Variants in ANK2 observed in about 807,000 individuals in gnomAD.
ANK2 encodes the protein ankyrin 2.
In ANK2, 83 loss-of-function variants were observed where a neutral mutation model predicts 360.5. The ratio of observed to expected loss-of-function variants is 0.23; its 90% CI spans 0.19 to 0.28. The LOEUF (loss-of-function observed/expected upper bound fraction) is 0.28. Among genes scored for constraint, ANK2 ranks in the 10% least tolerant of loss-of-function variants. The pLI, the probability that ANK2 is intolerant of heterozygous loss-of-function variation, is 1.00. For synonymous variants in ANK2, 1,740 were observed against 1,759.5 expected (o/e 0.99, Z 0.28); for missense variants, 4,201 against 4,795.7 (o/e 0.88, Z 3.66).
chr4:113,164,470 C>T, intron 1 of ANK2, among the ~76,000 whole-genome samples: 1 of 152,192 alleles, frequency 6.6e-6, no homozygotes, highest in East Asian at 1.9e-4. Flanking sequence ...AACAAGCAAT[C>T]TACTTTTTAG....
chr4:113,266,670 G>T (rs2056213307), intron 14 of ANK2, among the ~76,000 whole-genome samples: 1 of 152,190 alleles, frequency 6.6e-6, no homozygotes, highest in South Asian at 2.1e-4. Flanking sequence ...CTGAGGTTGG[G>T]AGTTTGAGAC....
At chr4:113,050,057 G>T (rs973878163) in intron 1 of ANK2, among the ~76,000 whole-genome samples, 1 of 152,180 alleles carries the variant, frequency 6.6e-6, no homozygotes, top group African/African-American at 2.4e-5. Flanking sequence ...GATAAGGTGT[G>T]TTCCACATGT....
At chr4:113,177,817 T>G (rs746285435) in intron 2 of ANK2, among the ~76,000 whole-genome samples, 1 of 152,214 alleles carries the variant, frequency 6.6e-6, no homozygotes. Context: ...CAGGTTCAAA[T>G]TCAAGTTTCA....
chr4:112,776,146 T>C, the ANK2 span, among the ~76,000 whole-genome samples: 18 of 152,192 alleles, frequency 1.2e-4, no homozygotes, highest in African/African-American at 4.1e-4. Flanking sequence ...TGAGGGATAC[T>C]GTAAGGGAAG....
At chr4:113,117,827 T>C (rs2094976774) in intron 1 of ANK2, among the ~76,000 whole-genome samples, 1 of 152,126 alleles carries the variant, frequency 6.6e-6, no homozygotes, top group Non-Finnish European at 1.5e-5. Flanking sequence ...CAGTGTGTCT[T>C]CTCACTGACT....
chr4:113,202,277 C>T (rs2098840998), intron 4 of ANK2, among the ~76,000 whole-genome samples: 1 of 152,058 alleles, frequency 6.6e-6, no homozygotes, highest in Non-Finnish European at 1.5e-5. Flanking sequence ...TTGAGTTCCT[C>T]CACAGATGTT....
At chr4:113,147,267 G>A (rs1265616875) in intron 1 of ANK2, among the ~76,000 whole-genome samples, 1 of 152,140 alleles carries the variant, frequency 6.6e-6, no homozygotes, top group East Asian at 1.9e-4. Context: ...GAGCAGTAAC[G>A]TTTCTCCTGG....
chr4:113,074,720 G>A (rs2079142118), intron 1 of ANK2, among the ~76,000 whole-genome samples: 1 of 152,276 alleles, frequency 6.6e-6, no homozygotes, highest in Middle Eastern at 3.4e-3. Flanking sequence ...ACTAGGATGA[G>A]AAAAGAATAA....
chr4:113,290,999 C>T (rs2067258780), intron 20 of ANK2, among the ~76,000 whole-genome samples: 1 of 152,170 alleles, frequency 6.6e-6, no homozygotes, highest in Non-Finnish European at 1.5e-5. Flanking sequence ...ATTTTTGTGG[C>T]CACAATGTCC....
At chr4:112,997,172 G>A (rs969524584) in intron 2 of ANK2, among the ~76,000 whole-genome samples, 1 of 152,036 alleles carries the variant, frequency 6.6e-6, no homozygotes, top group Non-Finnish European at 1.5e-5. Flanking sequence ...ACCTGATATT[G>A]TGAAATATGT....
At chr4:113,245,675 A>T (rs12498202) in intron 9 of ANK2, among the ~76,000 whole-genome samples, 17,994 of 152,236 alleles carry the variant, frequency 0.12, 1,389 homozygotes, top group Admixed American at 0.23. Flanking sequence ...ACACATAGGG[A>T]TTACGGGAAA....
the ANK2 span, among the ~76,000 whole-genome samples, chr4:112,759,573 T>C: frequency 1.0e-3 from 159 of 152,320 alleles, 1 homozygote; most frequent in Admixed American, 2.4e-3. Flanking sequence ...TCCTTGGTGG[T>C]AAATTCCATC....
chr4:112,755,430 G>C, the ANK2 span, among the ~76,000 whole-genome samples: 1 of 152,188 alleles, frequency 6.6e-6, no homozygotes, highest in Non-Finnish European at 1.5e-5. Flanking sequence ...CAGGCAGGCT[G>C]AGTCCGAAAA....
intron 4 of ANK2, among the ~76,000 whole-genome samples, chr4:113,201,299 C>T (rs2098826989): frequency 6.6e-6 from 1 of 152,046 alleles, no homozygotes; most frequent in South Asian, 2.1e-4. Context: ...TTGTTGAAAC[C>T]CATGTTTCTA....
the ANK2 span, among the ~76,000 whole-genome samples, chr4:112,712,341 A>G: frequency 4.3e-4 from 65 of 150,078 alleles, no homozygotes; most frequent in East Asian, 0.011. Flanking sequence ...TGGACTCCCA[A>G]AGTGCTGGGA....
At chr4:113,159,701 C>T (rs989958550) in intron 1 of ANK2, among the ~76,000 whole-genome samples, 8 of 151,896 alleles carry the variant, frequency 5.3e-5, no homozygotes, top group East Asian at 3.9e-4. Context: ...CTTTGCCTCC[C>T]GGGTTCAAGT....
At chr4:113,375,591 G>A (rs1289175758) in intron 45 of ANK2, among the ~76,000 whole-genome samples, 2 of 152,054 alleles carry the variant, frequency 1.3e-5, no homozygotes, top group Admixed American at 1.3e-4. Context: ...CAGGCGTGGT[G>A]GCGGGTGCCT....
rs142107156 is a variant in ANK2, at chr4:113,356,681, G to A, written c.8063G>A (p.Arg2688Gln). 5 of 1,613,952 alleles carry A rather than the reference G, an allele frequency of 3.1e-6. No homozygotes were observed. Among genetic ancestry groups the A allele is most frequent in the East Asian group, 4.5e-5 (2 of 44,884 alleles). Residue 2688 changes from arginine to glutamine, a missense_variant, in exon 38 of 46, where the codon CGA (arginine) becomes CAA (glutamine). Physicochemically the swap from Arg to Gln is conservative, Grantham distance 43. Transcript: ENST00000357077. ...DSGLLPEPVIRVQPPSPLPSS... is the reference protein window; with the variant it reads ...DSGLLPEPVIQVQPPSPLPSS... Reference sequence around the variant, plus strand: ...GGCCTTTTACCAGAACCAGTGATTCGAGTACAACCTCCTTCTCCACTTCCA... The same window carrying A: ...GGCCTTTTACCAGAACCAGTGATTCAAGTACAACCTCCTTCTCCACTTCCA...
At chr4:112,912,310 C>T (rs996837175) in intron 2 of ANK2, among the ~76,000 whole-genome samples, 2 of 152,134 alleles carry the variant, frequency 1.3e-5, no homozygotes, top group Non-Finnish European at 1.5e-5. Flanking sequence ...TTATGTGAGC[C>T]AGTTGTTTCC....
Sources: allele counts gnomAD v4.1 joint callset (sites outside exome capture counted in the v4.1 genomes callset), GRCh38; gene constraint gnomAD v4.1.1; transcripts MANE v1.5; gene names NCBI Gene and HGNC (gene_info 2026-07-23, HGNC 2026-07-21).